The following C8orf34 variants were observed in gnomAD, a reference collection of about 807,000 sequenced individuals.
C8orf34 encodes uncharacterized protein C8orf34.
In C8orf34, 65 loss-of-function variants were observed where a neutral mutation model predicts 68.3. The observed-to-expected ratio is 0.95, with a 90% CI of 0.78 to 1.17. The LOEUF (loss-of-function observed/expected upper bound fraction) is 1.17. Ranked by LOEUF, C8orf34 falls within the 50% of genes most tolerant of loss-of-function variation. C8orf34 has a pLI of 0.00. For missense variants in C8orf34, 664 were observed against 655.4 expected (o/e 1.01, Z -0.14); for synonymous variants, 244 against 241.2 (o/e 1.01, Z -0.11).
chr8:68,564,604 A>G (rs1816529807), intron 7 of C8orf34, among the ~76,000 whole-genome samples: 2 of 152,136 alleles, frequency 1.3e-5, no homozygotes, highest in Admixed American at 6.5e-5. Flanking sequence ...CACAGCACAG[A>G]TCCGGGGTGG....
At chr8:68,683,914 G>T (rs1820440267) in intron 8 of C8orf34, among the ~76,000 whole-genome samples, 1 of 152,132 alleles carries the variant, frequency 6.6e-6, no homozygotes, top group Non-Finnish European at 1.5e-5. Context: ...CTCCCAGATG[G>T]TAATGGCCAA....
chr8:68,463,049 C>T (rs192163989), intron 3 of C8orf34, among the ~76,000 whole-genome samples: 50 of 151,468 alleles, frequency 3.3e-4, no homozygotes, highest in Non-Finnish European at 4.9e-4. Context: ...GCTAGCAAGA[C>T]TAATAAAGAA....
chr8:68,364,858 A>G (rs1807171402), intron 1 of C8orf34, among the ~76,000 whole-genome samples: 1 of 152,142 alleles, frequency 6.6e-6, no homozygotes. Context: ...GAGCAAACAC[A>G]TTCAAAAGCA....
chr8:68,524,915 G>A (rs1240437984), intron 6 of C8orf34, among the ~76,000 whole-genome samples: 2 of 152,108 alleles, frequency 1.3e-5, no homozygotes, highest in Non-Finnish European at 2.9e-5. Flanking sequence ...TTCCTCTAAA[G>A]CTGAATCACC....
At chr8:68,559,300 T>C (rs937704290) in intron 7 of C8orf34, among the ~76,000 whole-genome samples, 7 of 152,166 alleles carry the variant, frequency 4.6e-5, no homozygotes, top group African/African-American at 1.7e-4. Flanking sequence ...ATCATCAACA[T>C]AGACAAGGAA....
At chr8:68,635,930 A>C (rs1450338650) in intron 7 of C8orf34, among the ~76,000 whole-genome samples, 1 of 152,230 alleles carries the variant, frequency 6.6e-6, no homozygotes, top group Non-Finnish European at 1.5e-5. Flanking sequence ...GAAAACAAGC[A>C]GAGAATATTT....
At chr8:68,720,857 C>T (rs1179707904) in intron 9 of C8orf34, among the ~76,000 whole-genome samples, 3 of 151,826 alleles carry the variant, frequency 2.0e-5, no homozygotes, top group Non-Finnish European at 4.4e-5. Flanking sequence ...GCAACTTCTT[C>T]CTTCATACGT....
chr8:68,506,805 C>T (rs1474039215), intron 5 of C8orf34, among the ~76,000 whole-genome samples: 1 of 152,080 alleles, frequency 6.6e-6, no homozygotes, highest in Non-Finnish European at 1.5e-5. Flanking sequence ...TTGTTTTTCA[C>T]ATTTTGGTCT....
intron 8 of C8orf34, among the ~76,000 whole-genome samples, chr8:68,672,246 T>C (rs1820036130): frequency 6.6e-6 from 1 of 152,124 alleles, no homozygotes; most frequent in Non-Finnish European, 1.5e-5. Flanking sequence ...ATCCTCCTCA[T>C]AGGGACACCA....
intron 8 of C8orf34, among the ~76,000 whole-genome samples, chr8:68,653,883 G>C (rs1819435804): frequency 6.6e-6 from 1 of 152,026 alleles, no homozygotes; most frequent in African/African-American, 2.4e-5. Context: ...GCCAACTACT[G>C]AGAGAAGGGC....
chr8:68,413,619 A>C (rs1408658063), intron 1 of C8orf34, among the ~76,000 whole-genome samples: 1 of 152,188 alleles, frequency 6.6e-6, no homozygotes, highest in African/African-American at 2.4e-5. Flanking sequence ...CATCAACATC[A>C]GCCCAGTCAT....
chr8:68,413,651 T>C (rs77301079), intron 1 of C8orf34, among the ~76,000 whole-genome samples: 137 of 152,324 alleles, frequency 9.0e-4, no homozygotes, highest in African/African-American at 3.1e-3. Context: ...ACCTAGGTGG[T>C]GTCATTCTTT....
At chr8:68,690,370 A>G (rs1222307103) in intron 8 of C8orf34, among the ~76,000 whole-genome samples, 3 of 152,060 alleles carry the variant, frequency 2.0e-5, no homozygotes, top group Admixed American at 6.6e-5. Context: ...TTTATTTAAT[A>G]TAAGTTTGAC....
chr8:68,588,387 T>C (rs1391176359), intron 7 of C8orf34, among the ~76,000 whole-genome samples: 2 of 152,174 alleles, frequency 1.3e-5, no homozygotes, highest in East Asian at 3.9e-4. Context: ...GATTAAAGAA[T>C]AAAGGAATAT....
intron 7 of C8orf34, among the ~76,000 whole-genome samples, chr8:68,638,625 G>A (rs1334544070): frequency 6.6e-6 from 1 of 151,890 alleles, no homozygotes; most frequent in African/African-American, 2.4e-5. Context: ...TTCAGAGCAC[G>A]CCAAAGTCAT....
intron 3 of C8orf34, among the ~76,000 whole-genome samples, chr8:68,454,762 C>T (rs993626901): frequency 1.3e-4 from 20 of 151,824 alleles, no homozygotes; most frequent in African/African-American, 4.8e-4. Context: ...CTGCTTTAAC[C>T]TTTACTATTT....
intron 7 of C8orf34, chr8:68,533,570 AAATAG>A: frequency 1.0e-6 from 1 of 986,092 alleles, no homozygotes; most frequent in Non-Finnish European, 1.2e-6. Flanking sequence ...TGCTTTAGAA[AAATAG>A]AATAAAGTTG....
At chr8:68,793,855 A>C (rs1824084375) in intron 12 of C8orf34, among the ~76,000 whole-genome samples, 1 of 152,240 alleles carries the variant, frequency 6.6e-6, no homozygotes, top group Admixed American at 6.5e-5. Flanking sequence ...AAAAATTAAA[A>C]AAAGTATTAA....
chr8:68,814,903 T>G (rs1196379885), intron 12 of C8orf34, among the ~76,000 whole-genome samples: 1 of 152,188 alleles, frequency 6.6e-6, no homozygotes, highest in Non-Finnish European at 1.5e-5. Context: ...AAATATCAGG[T>G]TAAATCATTT....
Sources: allele counts gnomAD v4.1 joint callset (sites outside exome capture counted in the v4.1 genomes callset), GRCh38; gene constraint gnomAD v4.1.1; transcripts MANE v1.5; gene names NCBI Gene and HGNC (gene_info 2026-07-23, HGNC 2026-07-21).